The following SIPA1L1 variants were observed in gnomAD, a reference collection of about 807,000 sequenced individuals.
SIPA1L1 encodes the protein signal-induced proliferation-associated 1-like protein 1.
In SIPA1L1, 26 loss-of-function variants were observed where a neutral mutation model predicts 162.7. That is an observed-to-expected ratio of 0.16 (90% CI 0.12 to 0.22). SIPA1L1 has a LOEUF of 0.22. Ranked by LOEUF, SIPA1L1 falls within the 10% of genes least tolerant of loss-of-function variation. SIPA1L1 has a pLI of 1.00. For missense variants in SIPA1L1, 1,874 were observed against 2,241.0 expected (o/e 0.84, Z 3.31); for synonymous variants, 829 against 837.4 (o/e 0.99, Z 0.17).
rs144255685 is a variant in SIPA1L1, at chr14:71,477,271, A to G, written c.-464-35472A>G. On this transcript the variant is annotated intron_variant, in intron 2 of 23. Transcript: ENST00000381232. ...GCAAGACTCTTTAAAACAAGAACAA[A>G]AAAGTTCTTTTATGTTATACTGTCT... Among the ~76,000 whole-genome samples the G allele has an allele frequency of 2.8e-4, 43 of 152,164 alleles. No homozygotes were observed. The East Asian group carries it at 5.8e-3, about 21-fold the overall frequency.
At chr14:71,354,281 CTTTT>C (rs553737399) in intron 2 of SIPA1L1, among the ~76,000 whole-genome samples, 1 of 137,738 alleles carries the variant, frequency 7.3e-6, no homozygotes, top group African/African-American at 2.7e-5. Context: ...TCATTTGTTT[CTTTT>C]TTTTTTTTTT....
chr14:71,662,516 C>T (rs1307527460), intron 10 of SIPA1L1, among the ~76,000 whole-genome samples: 1 of 152,234 alleles, frequency 6.6e-6, no homozygotes, highest in Non-Finnish European at 1.5e-5. Context: ...AGCCAGGTCA[C>T]TTGCCTCAGG....
At chr14:71,702,309 A>C in intron 14 of SIPA1L1, 72 bp from the exon 15 acceptor site, 2 of 1,549,164 alleles carry the variant, frequency 1.3e-6, no homozygotes, top group Non-Finnish European at 1.8e-6. Context: ...TTAGTTCATT[A>C]CACCCAGGAC....
chr14:71,526,902 G>A (rs1431813325), intron 3 of SIPA1L1, among the ~76,000 whole-genome samples: 4 of 152,074 alleles, frequency 2.6e-5, no homozygotes, highest in Non-Finnish European at 5.9e-5. Flanking sequence ...TAGGTTGCAG[G>A]GTATGTTTAT....
chr14:71,630,051 A>AT (rs1337562211), intron 7 of SIPA1L1, among the ~76,000 whole-genome samples: 1 of 152,178 alleles, frequency 6.6e-6, no homozygotes, highest in Non-Finnish European at 1.5e-5. Flanking sequence ...TAGGGGAAAT[A>AT]TTTTTTCCAA....
chr14:71,484,409 A>C (rs1287494046), intron 2 of SIPA1L1, among the ~76,000 whole-genome samples: 2 of 151,862 alleles, frequency 1.3e-5, no homozygotes, highest in African/African-American at 4.8e-5. Context: ...GCATTGTATT[A>C]ATAATTATAA....
intron 7 of SIPA1L1, among the ~76,000 whole-genome samples, chr14:71,627,234 C>T (rs1251339281): frequency 6.9e-6 from 1 of 144,836 alleles, no homozygotes; most frequent in African/African-American, 2.6e-5. Flanking sequence ...TCTCGGCTCA[C>T]TGCAGCCTCT....
chr14:71,730,169 T>A lies in SIPA1L1; in HGVS notation c.4729T>A (p.Phe1577Ile). 1 of 1,614,188 alleles carries A rather than the reference T, an allele frequency of 6.2e-7. No individual in the cohort carries two copies. The highest frequency in any genetic ancestry group is 1.1e-5 in the South Asian group (1 of 91,086). Residue 1577 changes from phenylalanine to isoleucine, a missense_variant, in exon 20 of 24, where the codon TTC becomes ATC. By Grantham distance (21) the Phe-to-Ile change is conservative. Around this residue, in one of 5 missense-constraint regions of SIPA1L1, gnomAD observed 936 missense variants for 1,051.9 expected, o/e 0.89. Coordinates refer to ENST00000381232, the MANE Select transcript of SIPA1L1 (RefSeq NM_001386936.1). Reference sequence around the variant, plus strand: ...TTACAATAGCCAGAGGGAGCACTTTTTCACCTCCAGGGCGTCACTTCTGGA... The same window carrying A: ...TTACAATAGCCAGAGGGAGCACTTTATCACCTCCAGGGCGTCACTTCTGGA... ...SIYNSQREHF[F>I]TSRASLLDQA...
At chr14:71,733,067 C>T (rs544467458) in intron 20 of SIPA1L1, among the ~76,000 whole-genome samples, 5 of 152,212 alleles carry the variant, frequency 3.3e-5, no homozygotes, top group South Asian at 2.1e-4. Flanking sequence ...AAAAATTAGC[C>T]GGGCATGGTG....
chr14:71,633,505 A>G (rs1429735733), intron 7 of SIPA1L1, among the ~76,000 whole-genome samples: 1 of 152,206 alleles, frequency 6.6e-6, no homozygotes, highest in Non-Finnish European at 1.5e-5. Flanking sequence ...AAAAATAGAA[A>G]GTCTTAGCAA....
In SIPA1L1 at chr14:71,332,401, T is replaced by A. The variant is rs2034648430; in HGVS notation, c.-465+11220T>A. Reference sequence around the variant, plus strand: ...TCTTTTAGTCAAAGGCCACCTGTTTTGGTGCAAAAACAATTGCAGTTGTTT... The same window carrying A: ...TCTTTTAGTCAAAGGCCACCTGTTTAGGTGCAAAAACAATTGCAGTTGTTT... On this transcript the variant is annotated intron_variant, in intron 2 of 23. Coordinates refer to ENST00000381232, the MANE Select transcript of SIPA1L1 (RefSeq NM_001386936.1). Among the ~76,000 whole-genome samples, 3 of 152,156 alleles carry A rather than the reference T, an allele frequency of 2.0e-5. 1 individual carries two copies. Among genetic ancestry groups the A allele is most frequent in the South Asian group, 4.1e-4 (2 of 4,832 alleles).
chr14:71,643,760 A>G (rs759591733), intron 7 of SIPA1L1, among the ~76,000 whole-genome samples: 4 of 152,036 alleles, frequency 2.6e-5, no homozygotes, highest in Non-Finnish European at 5.9e-5. Flanking sequence ...AATTGTGGAT[A>G]TTTTCCTTTG....
intron 5 of SIPA1L1, 106 bp downstream of exon 5, chr14:71,589,476 T>A: frequency 1.5e-6 from 1 of 651,536 alleles, no homozygotes; most frequent in Non-Finnish European, 2.5e-6. Context: ...GATTTGCATG[T>A]CTTATCTTTC....
chr14:71,704,578 G>T, intron 15 of SIPA1L1: 1 of 628,570 alleles, frequency 1.6e-6, no homozygotes, highest in Non-Finnish European at 2.9e-6. Context: ...CAGGATTCTT[G>T]CTATTAGCTA....
chr14:71,559,217 G>A (rs984242090), intron 4 of SIPA1L1, among the ~76,000 whole-genome samples: 1 of 151,886 alleles, frequency 6.6e-6, no homozygotes, highest in Non-Finnish European at 1.5e-5. Context: ...ACAGGCATGC[G>A]CCACCAGACC....
chr14:71,669,535 C>G (rs1335232524), intron 10 of SIPA1L1, among the ~76,000 whole-genome samples: 1 of 152,080 alleles, frequency 6.6e-6, no homozygotes, highest in Admixed American at 6.6e-5. Flanking sequence ...TCTAGCAAAC[C>G]TGGATTTCAG....
chr14:71,537,161 T>G (rs779123485), intron 4 of SIPA1L1, among the ~76,000 whole-genome samples: 4 of 152,186 alleles, frequency 2.6e-5, no homozygotes, highest in African/African-American at 4.8e-5. Flanking sequence ...CATGATCTCT[T>G]TATCCTTGGG....
intron 2 of SIPA1L1, among the ~76,000 whole-genome samples, chr14:71,384,918 A>G (rs776640084): frequency 1.3e-5 from 2 of 152,092 alleles, no homozygotes; most frequent in Non-Finnish European, 2.9e-5. Context: ...CTTTATCTGG[A>G]AGCACTCTGG....
At chr14:71,568,035 T>C (rs2031111926) in intron 4 of SIPA1L1, among the ~76,000 whole-genome samples, 1 of 152,208 alleles carries the variant, frequency 6.6e-6, no homozygotes, top group African/African-American at 2.4e-5. Flanking sequence ...TTGATTGCCA[T>C]CTTGGTTTTG....
Sources: gnomAD v4.1 joint callset for allele counts (sites outside exome capture counted in the v4.1 genomes callset) on GRCh38, gnomAD v4.1.1 for gene constraint, gnomAD v4.1.1 regional missense constraint, MANE v1.5 for transcripts, NCBI Gene and HGNC (gene_info 2026-07-23, HGNC 2026-07-21) for gene names.